ANTXRL: variants seen among roughly 807,000 people sequenced by gnomAD.
The protein encoded by ANTXRL is ANTXR like.
ANTXRL carries 63 observed loss-of-function variants against 75.4 expected under a neutral mutation model. That is an observed-to-expected ratio of 0.84 (90% CI 0.68 to 1.03). ANTXRL has a LOEUF of 1.03. Ranked by LOEUF, ANTXRL falls within the 50% of genes least tolerant of loss-of-function variation. ANTXRL has a pLI of 0.00. For synonymous variants in ANTXRL, 335 were observed against 291.3 expected (o/e 1.15, Z -1.53); for missense variants, 797 against 789.4 (o/e 1.01, Z -0.12).
At chr10:46,297,708 A>C (rs1166788643) in intron 7 of ANTXRL, 123 bp from the exon 8 acceptor site, 1 of 965,902 alleles carries the variant, frequency 1.0e-6, no homozygotes, top group African/African-American at 1.6e-5. Context: ...GAAGTCTGTG[A>C]CATTCAGAGC....
chr10:46,309,927 G>A (rs565302713), intron 13 of ANTXRL, among the ~76,000 whole-genome samples: 1 of 152,294 alleles, frequency 6.6e-6, no homozygotes, highest in African/African-American at 2.4e-5. Flanking sequence ...GGTGCTGGGA[G>A]CTGGGGTGGA....
Position 46,297,272 on chromosome 10 carries a change from A to G in ANTXRL, c.529A>G (p.Ile177Val). The change falls in exon 6 of 17, where the codon ATT becomes GTT. Residue 177 changes from isoleucine to valine, a missense_variant. Coordinates refer to ENST00000620264, the MANE Select transcript of ANTXRL (RefSeq NM_001278688.3). ...TACAGACAAGGTTCCCAGCATGATT[A>G]TTGCTATGACTGATGGAGAACTGGT... ...NSGNKVPSMI[I>V]AMTDGELVAH... 9.8e-6 allele frequency: 15 copies of G among 1,536,456 alleles called. No individual in the cohort carries two copies. Among genetic ancestry groups the G allele is most frequent in the Non-Finnish European group, 1.3e-5 (15 of 1,146,862 alleles).
At chr10:46,316,480 A>G (rs1330858837) in intron 16 of ANTXRL, among the ~76,000 whole-genome samples, 1 of 152,148 alleles carries the variant, frequency 6.6e-6, no homozygotes, top group Non-Finnish European at 1.5e-5. Flanking sequence ...TACTGTGTGC[A>G]TGGCCACCTC....
intron 9 of ANTXRL, among the ~76,000 whole-genome samples, chr10:46,301,145 C>G (rs77330139): frequency 6.6e-6 from 1 of 152,268 alleles, no homozygotes; most frequent in Non-Finnish European, 1.5e-5. Flanking sequence ...TTGGGCTGAC[C>G]AAGGGGCGCA....
chr10:46,292,246 A>G (rs1704041814), intron 2 of ANTXRL, 117 bp downstream of exon 2: 2 of 932,304 alleles, frequency 2.1e-6, no homozygotes, highest in Non-Finnish European at 3.3e-6. Flanking sequence ...AGTGGGGGAC[A>G]CAGAGCACAA....
At chr10:46,318,241 G>T (rs1490525463) in intron 16 of ANTXRL, among the ~76,000 whole-genome samples, 2 of 151,986 alleles carry the variant, frequency 1.3e-5, no homozygotes, top group African/African-American at 4.8e-5. Flanking sequence ...AACAAAGGAG[G>T]TGGAAATAAA....
chr10:46,313,347 G>A, intron 16 of ANTXRL, 31 bp downstream of exon 16: 1 of 1,528,442 alleles, frequency 6.5e-7, no homozygotes, highest in Non-Finnish European at 8.8e-7. Context: ...ACAGTTGATG[G>A]ACAAAAGGCC....
chr10:46,326,332 G>C (rs1169703936), intron 16 of ANTXRL, among the ~76,000 whole-genome samples: 5 of 152,056 alleles, frequency 3.3e-5, no homozygotes, highest in African/African-American at 1.2e-4. Context: ...GAGCCCCACA[G>C]CTGGCACTTC....
chr10:46,316,977 C>T (rs1426498116), intron 16 of ANTXRL, among the ~76,000 whole-genome samples: 1 of 152,168 alleles, frequency 6.6e-6, no homozygotes, highest in African/African-American at 2.4e-5. Context: ...ACTGCAAGGA[C>T]ATGACATCCT....
chr10:46,293,572 T>TGCCTGTGTGC (rs1837181228), intron 2 of ANTXRL, among the ~76,000 whole-genome samples: 1 of 147,942 alleles, frequency 6.8e-6, no homozygotes, highest in African/African-American at 2.5e-5. Context: ...TGCCTGTGTG[T>TGCCTGTGTGC]GCGCGTGTGT....
intron 3 of ANTXRL, among the ~76,000 whole-genome samples, chr10:46,294,921 C>A (rs1388231545): frequency 6.6e-6 from 1 of 152,138 alleles, no homozygotes; most frequent in Non-Finnish European, 1.5e-5. Flanking sequence ...CTCTGCTCAG[C>A]CTTGCTGTGC....
rs1481637167 is a variant in ANTXRL, at chr10:46,294,026, G to T, written c.392+126G>T. Reference sequence around the variant, plus strand: ...CAGCACACAGGGCAGGCCGGTCAGGGCAACTCACAGTACCCACCTGACCTT... The same window carrying T: ...CAGCACACAGGGCAGGCCGGTCAGGTCAACTCACAGTACCCACCTGACCTT... On this transcript the variant is annotated intron_variant, in intron 3 of 16. Coordinates refer to ENST00000620264, the MANE Select transcript of ANTXRL (RefSeq NM_001278688.3). 91 of 825,558 alleles carry T rather than the reference G, an allele frequency of 1.1e-4. No individual in the cohort carries two copies. The South Asian group carries it at 1.4e-3, about 13-fold the overall frequency. The allele number at this position is 825,558 out of a possible 1,614,324, so 51.1% of individuals were successfully genotyped here.
At chr10:46,306,747 G>C (rs764112358) in intron 10 of ANTXRL, 56 bp from the exon 11 acceptor site, 165 of 1,414,966 alleles carry the variant, frequency 1.2e-4, no homozygotes, top group Non-Finnish European at 1.4e-4. Context: ...CAGACATGGG[G>C]AGGAACAGTG....
chr10:46,293,525 C>T (rs1241940178), intron 2 of ANTXRL, among the ~76,000 whole-genome samples: 13 of 109,252 alleles, frequency 1.2e-4, no homozygotes, highest in African/African-American at 4.3e-4. Context: ...GTGTGTGCCT[C>T]TGTGTGTGCA....
chr10:46,300,983 TCCCA>T (rs1837695752), intron 9 of ANTXRL, among the ~76,000 whole-genome samples: 1 of 149,286 alleles, frequency 6.7e-6, no homozygotes, highest in African/African-American at 2.5e-5. Flanking sequence ...CCTTTATCTC[TCCCA>T]CCCCCCCTCT....
intron 10 of ANTXRL, 73 bp from the exon 11 acceptor site, chr10:46,306,730 C>A: frequency 1.5e-6 from 2 of 1,326,618 alleles, no homozygotes; most frequent in Non-Finnish European, 2.0e-6. Context: ...GCCCTGCATG[C>A]TGAGGACAGA....
chr10:46,311,010 C>G (rs553353107), intron 14 of ANTXRL, among the ~76,000 whole-genome samples: 2 of 152,144 alleles, frequency 1.3e-5, no homozygotes, highest in Admixed American at 1.3e-4. Context: ...GGGAAGGACA[C>G]CAGCCCAGTG....
At chr10:46,298,410 T>A (rs1419704885) in intron 9 of ANTXRL, among the ~76,000 whole-genome samples, 5 of 150,766 alleles carry the variant, frequency 3.3e-5, no homozygotes, top group Non-Finnish European at 7.4e-5. Flanking sequence ...GGGGTGTGCA[T>A]GAGTGATGCA....
intron 13 of ANTXRL, among the ~76,000 whole-genome samples, chr10:46,310,172 G>T (rs782226108): frequency 1.3e-5 from 2 of 152,116 alleles, no homozygotes; most frequent in African/African-American, 4.8e-5. Flanking sequence ...GGGCAGAGAA[G>T]GACACTTGTA....
Sources: allele counts gnomAD v4.1 joint callset (sites outside exome capture counted in the v4.1 genomes callset), GRCh38; gene constraint gnomAD v4.1.1; transcripts MANE v1.5; gene names NCBI Gene and HGNC (gene_info 2026-07-23, HGNC 2026-07-21).